ARHGEF1: variants seen among roughly 807,000 people sequenced by gnomAD.
ARHGEF1 encodes 115 kDa guanine nucleotide exchange factor.
A neutral mutation model predicts 119.7 loss-of-function variants in ARHGEF1; 40 were observed. The observed-to-expected ratio is 0.33, with a 90% confidence interval of 0.26 to 0.44. ARHGEF1 has a LOEUF of 0.44. Among genes scored for constraint, ARHGEF1 ranks in the 20% least tolerant of loss-of-function variants. The probability of loss-of-function intolerance (pLI) is 1.00; values close to 1 mark genes in which losing one functional copy is unlikely to be tolerated. For missense variants in ARHGEF1, 976 were observed against 1,268.3 expected, an observed-to-expected ratio of 0.77 and a Z score of 3.50; for synonymous variants, 494 against 521.0, an observed-to-expected ratio of 0.95 and a Z score of 0.71.
In ARHGEF1 at chr19:41,894,121, A is replaced by AGAGTGTGT. The variant is rs1555846903; in HGVS notation, c.645-84_645-77dup. On this transcript the variant is annotated intron_variant, in intron 8 of 28. Coordinates refer to ENST00000354532, the MANE Select transcript of ARHGEF1 (RefSeq NM_004706.4). ...CCTCTGCCTCTAGGGGGAGAGAGAG[A>AGAGTGTGT]GAGTGTGTGTGTGAGTGTGTGTGTG... is the stretch of plus-strand genomic sequence containing the variant. 6.8e-5 allele frequency: 52 copies of AGAGTGTGT among 765,878 alleles called. No homozygotes were observed. The African/African-American group carries it at 1.6e-3, about 24-fold the overall frequency. 47.4% of individuals were successfully genotyped at this position (765,878 alleles called of 1,614,324 possible). A position where few individuals can be genotyped will look rare whatever the true frequency, so the allele number is the denominator to read the frequency against.
At chr19:41,887,172 G>A (rs2074306151) in intron 1 of ARHGEF1, among the ~76,000 whole-genome samples, 1 of 152,142 alleles carries the variant, frequency 6.6e-6, no homozygotes, top group Non-Finnish European at 1.5e-5. Flanking sequence ...GCAGGAAGGG[G>A]GTGTCACCGC....
intron 12 of ARHGEF1, among the ~76,000 whole-genome samples, chr19:41,895,728 C>T (rs1304371865): frequency 6.6e-6 from 1 of 152,138 alleles, no homozygotes; most frequent in Admixed American, 6.5e-5. Flanking sequence ...GCGTCTCCCA[C>T]CCCCTTGGAC....
At chr19:41,909,261 A>T, downstream of ARHGEF1, 2 of 1,232,282 alleles carry the variant, frequency 1.6e-6, no homozygotes, top group Non-Finnish European at 2.0e-6. This position sits in a 1 kb window ranked among gnomAD's most constrained non-coding sequence, Gnocchi z 5.2. Flanking sequence ...CCAGGACCCC[A>T]GTACCCAGAC....
rs868961806 is a variant in ARHGEF1, at chr19:41,896,446, C to A, written c.1085C>A (p.Pro362His). The A allele has an allele frequency of 6.7e-7, 1 of 1,484,096 alleles. No individual in the cohort carries two copies. The highest frequency in any genetic ancestry group is 8.9e-7 in the Non-Finnish European group (1 of 1,118,076). 91.9% of individuals were successfully genotyped at this position (1,484,096 alleles called of 1,614,324 possible). A position where few individuals can be genotyped will look rare whatever the true frequency, so the allele number is the denominator to read the frequency against. Reference sequence around the variant, plus strand: ...CCAATGAGCCTGGAGTCCTTGGCGCCCCCAGAGAGTACCGACGAGGGGGCC... The same window carrying A: ...CCAATGAGCCTGGAGTCCTTGGCGCACCCAGAGAGTACCGACGAGGGGGCC... ...QGPMSLESLA[P>H]PESTDEGAET... Residue 362 changes from proline to histidine, a missense_variant, in exon 13 of 29, where the codon CCC becomes CAC. Coordinates refer to ENST00000354532, the MANE Select transcript of ARHGEF1 (RefSeq NM_004706.4).
chr19:41,892,302 C>G lies in ARHGEF1; in HGVS notation c.325-29C>G, dbSNP rs375735964. 1 of 1,613,386 alleles carries G rather than the reference C, an allele frequency of 6.2e-7. No homozygotes were observed. Among genetic ancestry groups the G allele is most frequent in the Non-Finnish European group, 8.5e-7 (1 of 1,179,946 alleles). ...CTGCATCTCAGCACACCAAGTCCTC[C>G]TCTTCACCCCATTCTCTCTCTTGAG... is the stretch of plus-strand genomic sequence containing the variant. On this transcript the variant is annotated intron_variant, in intron 5 of 28. Coordinates refer to ENST00000354532, the MANE Select transcript of ARHGEF1 (RefSeq NM_004706.4). This position sits in a 1 kb window ranked among gnomAD's most constrained non-coding sequence, Gnocchi z 6.3.
At chr19:41,921,625 G>A (rs920134413), upstream of ARHGEF1, among the ~76,000 whole-genome samples, 2 of 152,062 alleles carry the variant, frequency 1.3e-5, no homozygotes, top group Admixed American at 6.5e-5. The surrounding 1 kb of genome is among the most constrained non-coding windows in gnomAD (Gnocchi z 4.4). Context: ...GGGCCGCACC[G>A]GAGACCCTGG....
chr19:41,885,609 G>A (rs549640875), intron 1 of ARHGEF1, among the ~76,000 whole-genome samples: 6 of 152,082 alleles, frequency 3.9e-5, no homozygotes, highest in Non-Finnish European at 7.4e-5. Flanking sequence ...CTACAGGCTC[G>A]TGCCACCACG....
chr19:41,892,274 G>A lies in ARHGEF1; in HGVS notation c.325-57G>A, dbSNP rs575103375. On this transcript the variant is annotated intron_variant, in intron 5 of 28. Transcript: ENST00000354532. The surrounding 1 kb of genome is among the most constrained non-coding windows in gnomAD (Gnocchi z 6.3). ...GACCAGGGTTCCTGGCAGTCCTCCC[G>A]GCCTGCATCTCAGCACACCAAGTCC... The A allele has an allele frequency of 3.3e-5, 53 of 1,608,936 alleles. No individual in the cohort carries two copies. Among genetic ancestry groups the A allele is most frequent in the Admixed American group, 2.7e-4 (16 of 59,970 alleles).
chr19:41,898,167 G>A (rs558104315), intron 13 of ARHGEF1: 2 of 1,411,442 alleles, frequency 1.4e-6, no homozygotes. Flanking sequence ...GAGAATCAGG[G>A]AGGGATTGTT....
Position 41,917,909 on chromosome 19 carries a change from C to T in ARHGEF1, c.1866-5183C>T, listed in dbSNP as rs1480059441. Among the ~76,000 whole-genome samples the T allele has an allele frequency of 8.6e-5, 13 of 151,976 alleles. No homozygotes were observed. The highest frequency in any genetic ancestry group is 3.1e-4 in the African/African-American group (13 of 41,314). ...CCCATCTGGGTGCACGAAGCCAGCT[C>T]CCCGCGGTCACACACTGTGTGTGTG... On this transcript the variant is annotated intron_variant, in intron 18 of 20. Transcript: ENST00000599589. The surrounding 1 kb of genome is among the most constrained non-coding windows in gnomAD (Gnocchi z 4.8).
chr19:41,905,351 G>T lies in ARHGEF1; in HGVS notation c.2336+90G>T. The T allele has an allele frequency of 8.6e-7, 1 of 1,166,274 alleles. No homozygotes were observed. The highest frequency in any genetic ancestry group is 1.4e-5 in the South Asian group (1 of 69,472). 72.2% of individuals were successfully genotyped at this position (1,166,274 alleles called of 1,614,324 possible). On this transcript the variant is annotated intron_variant, in intron 24 of 28. Transcript: ENST00000354532. The surrounding 1 kb of genome is among the most constrained non-coding windows in gnomAD (Gnocchi z 6.4). ...CCTCCACAACTCCAGAACCGTCTCT[G>T]TGTGAGCATGCACATGTGTGAATGC...
intron 7 of ARHGEF1, 82 bp from the exon 8 acceptor site, chr19:41,893,192 C>A: frequency 6.3e-7 from 1 of 1,575,660 alleles, no homozygotes; most frequent in Non-Finnish European, 8.7e-7. Flanking sequence ...TATCCCAGGA[C>A]AGCAACCCTG....
rs201818628 is a variant in ARHGEF1, at chr19:41,888,892, G to T, written c.225+27G>T. 1.6e-4 allele frequency: 247 copies of T among 1,583,620 alleles called. No individual in the cohort carries two copies. The Admixed American group carries it at 2.5e-3, about 16-fold the overall frequency. ...TGAGGGCAGGGCTGGGTGGGCACAG[G>T]GAGGGGTGGGGCTGGGACAGGCACA... On this transcript the variant is annotated intron_variant, in intron 4 of 28. Transcript: ENST00000354532. The surrounding 1 kb of genome is among the most constrained non-coding windows in gnomAD (Gnocchi z 5.1).
Position 41,903,895 on chromosome 19 carries a change from GA to G in ARHGEF1, c.1917+112del, listed in dbSNP as rs1555849550. On this transcript the variant is annotated intron_variant, in intron 20 of 28. Transcript: ENST00000354532. This position sits in a 1 kb window ranked among gnomAD's most constrained non-coding sequence, Gnocchi z 4.2. Reference sequence around the variant, plus strand: ...ATCCCATAATACACCCAGGAAGCGAGAGCTCTGTCCCCCACCTCATGCCAAT... The same window carrying G: ...ATCCCATAATACACCCAGGAAGCGAGGCTCTGTCCCCCACCTCATGCCAAT... 2.2e-6 allele frequency: 3 copies of G among 1,378,240 alleles called. No individual in the cohort carries two copies. Among genetic ancestry groups the G allele is most frequent in the Non-Finnish European group, 3.1e-6 (3 of 981,062 alleles). The allele number at this position is 1,378,240 out of a possible 1,614,324, so 85.4% of individuals were successfully genotyped here.
Position 41,906,930 on chromosome 19 carries a change from G to C in ARHGEF1, c.*17+127G>C, listed in dbSNP as rs1262138242. Reference sequence around the variant, plus strand: ...TTTCTGAATCTCCCCACTCCACCTCGTGTTTCTCATCTCTGTGTCTCTGTT... The same window carrying C: ...TTTCTGAATCTCCCCACTCCACCTCCTGTTTCTCATCTCTGTGTCTCTGTT... On this transcript the variant is annotated intron_variant, in intron 28 of 28. Transcript: ENST00000354532. The surrounding 1 kb of genome is among the most constrained non-coding windows in gnomAD (Gnocchi z 4.5). 2.1e-6 allele frequency: 2 copies of C among 954,016 alleles called. No homozygotes were observed. The highest frequency in any genetic ancestry group is 3.4e-5 in the African/African-American group (2 of 59,670). 59.1% of individuals were successfully genotyped at this position (954,016 alleles called of 1,614,324 possible). A position where few individuals can be genotyped will look rare whatever the true frequency, so the allele number is the denominator to read the frequency against.
At position 41,902,552 on chromosome 19, in the gene ARHGEF1, C is replaced by T; in HGVS notation, c.1517C>T (p.Ser506Phe). The change falls in exon 17 of 29, where the codon TCC (serine) becomes TTC (phenylalanine). Residue 506 changes from serine to phenylalanine, a missense_variant. Physicochemically the swap from Ser to Phe is radical, Grantham distance 155. Coordinates refer to ENST00000354532, the MANE Select transcript of ARHGEF1 (RefSeq NM_004706.4). The surrounding 1 kb of genome is among the most constrained non-coding windows in gnomAD (Gnocchi z 6.5). ...CTGTAGTTTGATGGTGCTGAGGGCT[C>T]CTGGTTCCAGAAAATCTCCTCCCGC... ...LLARFDGAEGSWFQKISSRFC... is the reference protein window; with the variant it reads ...LLARFDGAEGFWFQKISSRFC... 2.5e-6 allele frequency: 4 copies of T among 1,614,184 alleles called. No individual in the cohort carries two copies. The highest frequency in any genetic ancestry group is 3.4e-6 in the Non-Finnish European group (4 of 1,180,040).
At chr19:41,891,554 G>A (rs2074376990) in intron 4 of ARHGEF1, among the ~76,000 whole-genome samples, 1 of 152,222 alleles carries the variant, frequency 6.6e-6, no homozygotes, top group Non-Finnish European at 1.5e-5. Flanking sequence ...AAAGTGCTGG[G>A]ATTACAGGTG....
At position 41,895,420 on chromosome 19, in the gene ARHGEF1, C is replaced by T. The variant is rs1196195887; in HGVS notation, c.949C>T (p.Pro317Ser). Reference protein sequence around the residue: ...MPSRDRNIGAPGQDTPGVSLH... With the variant: ...MPSRDRNIGASGQDTPGVSLH... ...CTCTCGGGACCGGAATATCGGGGCT[C>T]CTGGGCAGGACACCCCTGGAGTCTC... Residue 317 changes from proline to serine, a missense_variant, in exon 12 of 29, where the codon CCT becomes TCT. Physicochemically the swap from Pro to Ser is moderately conservative, Grantham distance 74. Coordinates refer to ENST00000354532, the MANE Select transcript of ARHGEF1 (RefSeq NM_004706.4). 6.2e-7 allele frequency: 1 copy of T among 1,612,788 alleles called. No homozygotes were observed. The highest frequency in any genetic ancestry group is 8.5e-7 in the Non-Finnish European group (1 of 1,179,628).
chr19:41,894,679 A>G lies in ARHGEF1; in HGVS notation c.877+18A>G. 1 of 1,613,762 alleles carries G rather than the reference A, an allele frequency of 6.2e-7. No individual in the cohort carries two copies. Among genetic ancestry groups the G allele is most frequent in the Non-Finnish European group, 8.5e-7 (1 of 1,179,746 alleles). Reference sequence around the variant, plus strand: ...GGTTGATGGTAATGTACCTGTAGCCATAGCATCCATACTGGGGGCCTGTGT... The same window carrying G: ...GGTTGATGGTAATGTACCTGTAGCCGTAGCATCCATACTGGGGGCCTGTGT... On this transcript the variant is annotated intron_variant, in intron 11 of 28. Transcript: ENST00000354532.
Sources: allele counts gnomAD v4.1 joint callset (sites outside exome capture counted in the v4.1 genomes callset), GRCh38; gene constraint gnomAD v4.1.1; non-coding constraint Gnocchi (gnomAD v3.1); transcripts MANE v1.5; gene names NCBI Gene and HGNC (gene_info 2026-07-23, HGNC 2026-07-21).